Variants in ZFPM1 observed in about 807,000 individuals in gnomAD.
ZFPM1 encodes the protein zinc finger protein, FOG family member 1, also known as zinc finger protein ZFPM1.
ZFPM1 carries 28 observed loss-of-function variants against 46.3 expected under a neutral mutation model. That is an observed-to-expected ratio of 0.60 (90% confidence interval 0.45 to 0.83). ZFPM1 has a LOEUF of 0.83. Ranked by LOEUF, ZFPM1 falls within the 40% of genes least tolerant of loss-of-function variation. The pLI is 0.00. For missense variants in ZFPM1, 1,878 were observed against 1,432.4 expected, an observed-to-expected ratio of 1.31 and a Z score of -5.02; for synonymous variants, 957 against 675.9, an observed-to-expected ratio of 1.42 and a Z score of -6.45.
At chr16:88,491,084 A>G (rs16966539) in intron 3 of ZFPM1, among the ~76,000 whole-genome samples, 4,230 of 149,394 alleles carry the variant, frequency 0.028, 82 homozygotes, top group South Asian at 0.085. Context: ...CGCGGGTCCC[A>G]GTCAGGCGCT....
intron 1 of ZFPM1, among the ~76,000 whole-genome samples, chr16:88,484,151 G>C (rs929613966): frequency 1.3e-5 from 2 of 152,206 alleles, no homozygotes; most frequent in African/African-American, 2.4e-5. Context: ...AGGACAGTGG[G>C]GATTCGGAGA....
Position 88,534,330 on chromosome 16 carries a change from C to T in ZFPM1, c.2372C>T (p.Ala791Val). 1.5e-6 allele frequency: 2 copies of T among 1,358,978 alleles called. No homozygotes were observed. The highest frequency in any genetic ancestry group is 1.9e-6 in the Non-Finnish European group (2 of 1,057,076). The allele number at this position is 1,358,978 out of a possible 1,614,324, so 84.2% of individuals were successfully genotyped here. ...LAPARSPGPAADGPIDLSKKP... is the reference protein window; with the variant it reads ...LAPARSPGPAVDGPIDLSKKP... ...CCTGCGCGCTCGCCCGGCCCCGCGG[C>T]CGACGGCCCCATCGACCTGAGCAAG... The change falls in exon 10 of 10, where the codon GCC becomes GTC. Residue 791 changes from alanine to valine, a missense_variant. Physicochemically the swap from Ala to Val is moderately conservative, Grantham distance 64. Coordinates refer to ENST00000319555, the MANE Select transcript of ZFPM1 (RefSeq NM_153813.3).
intron 4 of ZFPM1, among the ~76,000 whole-genome samples, chr16:88,521,366 G>A (rs373173450): frequency 6.6e-6 from 1 of 151,946 alleles, no homozygotes; most frequent in African/African-American, 2.4e-5. Flanking sequence ...GCCAGGCTCT[G>A]GGGCTCCCTG....
chr16:88,461,042 G>C (rs1184341114), intron 1 of ZFPM1, among the ~76,000 whole-genome samples: 11 of 119,694 alleles, frequency 9.2e-5, no homozygotes, highest in African/African-American at 3.3e-4. Flanking sequence ...TGAGGACCGA[G>C]GGGCGGGAGG....
intron 4 of ZFPM1, among the ~76,000 whole-genome samples, chr16:88,522,764 T>C (rs1054417862): frequency 6.6e-6 from 1 of 151,948 alleles, no homozygotes; most frequent in African/African-American, 2.4e-5. Context: ...GCAAACAGGG[T>C]GGGCTCTAGC....
chr16:88,487,625 T>C (rs1909306307), intron 2 of ZFPM1, among the ~76,000 whole-genome samples: 1 of 152,046 alleles, frequency 6.6e-6, no homozygotes, highest in African/African-American at 2.4e-5. Flanking sequence ...GAGCGGGATT[T>C]CTCAGTGGGG....
intron 1 of ZFPM1, among the ~76,000 whole-genome samples, chr16:88,468,017 CT>C (rs1253981101): frequency 5.5e-5 from 8 of 146,366 alleles, no homozygotes; most frequent in Non-Finnish European, 1.1e-4. Flanking sequence ...CCCACCGCCC[CT>C]CACACACCCG....
chr16:88,485,961 C>T lies in ZFPM1; in HGVS notation c.63C>T (p.Ala21=), dbSNP rs141379602. 11 of 1,612,734 alleles carry T rather than the reference C, an allele frequency of 6.8e-6. No homozygotes were observed. The African/African-American group carries it at 8.0e-5, about 12-fold the overall frequency. The change falls in exon 2 of 10, where the codon GCC becomes GCT. Residue 21 remains alanine (A), a synonymous_variant. Transcript: ENST00000319555. The part of the protein sequence containing the change: ...QIKRSLGDME[A]REEVQLVGAS... ...CAGGTTCCCTCGGAGACATGGAGGCCAGAGAGGAGGTGCAGTTGGTGGGTG... is the reference window on the plus strand; with the variant it reads ...CAGGTTCCCTCGGAGACATGGAGGCTAGAGAGGAGGTGCAGTTGGTGGGTG...
chr16:88,504,767 G>C (rs1461187778), intron 3 of ZFPM1, among the ~76,000 whole-genome samples: 1 of 152,216 alleles, frequency 6.6e-6, no homozygotes, highest in African/African-American at 2.4e-5. Context: ...GTTCAGACAG[G>C]CAAGACCTGG....
At chr16:88,529,081 G>C (rs946509831) in intron 6 of ZFPM1, among the ~76,000 whole-genome samples, 4 of 152,228 alleles carry the variant, frequency 2.6e-5, no homozygotes, top group Non-Finnish European at 5.9e-5. Context: ...GGAGTTCAAG[G>C]CCAGACTGGG....
intron 4 of ZFPM1, among the ~76,000 whole-genome samples, chr16:88,521,026 G>A (rs977840085): frequency 7.2e-6 from 1 of 138,264 alleles, no homozygotes; most frequent in Non-Finnish European, 1.6e-5. Context: ...TTATGTAGGT[G>A]GGTAGATGAT....
chr16:88,481,081 A>C (rs1908913827), intron 1 of ZFPM1, among the ~76,000 whole-genome samples: 2 of 152,218 alleles, frequency 1.3e-5, no homozygotes, highest in African/African-American at 4.8e-5. Context: ...AATAGCTATT[A>C]TGTTTTCATT....
intron 1 of ZFPM1, among the ~76,000 whole-genome samples, chr16:88,479,772 C>T (rs544483718): frequency 1.7e-4 from 26 of 149,236 alleles, no homozygotes; most frequent in African/African-American, 6.0e-4. Context: ...TTCTGCCTCC[C>T]CAGCCCCACC....
chr16:88,496,871 T>G (rs1909960412), intron 3 of ZFPM1, among the ~76,000 whole-genome samples: 1 of 152,144 alleles, frequency 6.6e-6, no homozygotes, highest in Admixed American at 6.5e-5. Flanking sequence ...TGGATCCCAC[T>G]CTACAGTTAG....
chr16:88,508,679 G>A (rs1170456112), intron 3 of ZFPM1, among the ~76,000 whole-genome samples: 1 of 152,242 alleles, frequency 6.6e-6, no homozygotes, highest in Non-Finnish European at 1.5e-5. Flanking sequence ...TGCTACTGAG[G>A]CTGCAGAGGG....
chr16:88,494,688 C>T (rs889514813), intron 3 of ZFPM1, among the ~76,000 whole-genome samples: 2 of 151,980 alleles, frequency 1.3e-5, no homozygotes, highest in Admixed American at 6.5e-5. Flanking sequence ...GAGTGGGGGG[C>T]GAGGCGGGCG....
At chr16:88,508,928 G>A (rs1295507643) in intron 3 of ZFPM1, among the ~76,000 whole-genome samples, 2 of 152,240 alleles carry the variant, frequency 1.3e-5, no homozygotes, top group Non-Finnish European at 2.9e-5. Context: ...ACCAAGCACA[G>A]GTGATCAGCA....
chr16:88,488,932 A>G lies in ZFPM1; in HGVS notation c.146-99A>G, dbSNP rs140704531. On this transcript the variant is annotated intron_variant, in intron 2 of 9. Transcript: ENST00000319555. ...GGTGGCTCTGGGCCCGAGCTCCCCA[A>G]CCCGGCGCCCAGCGCCTCAGCATCC... is the stretch of plus-strand genomic sequence containing the variant. 1.9e-4 allele frequency: 281 copies of G among 1,509,192 alleles called. 1 individual carries two copies. The African/African-American group carries it at 3.5e-3, about 19-fold the overall frequency. 93.5% of individuals were successfully genotyped at this position (1,509,192 alleles called of 1,614,324 possible).
At chr16:88,462,332 G>C (rs1252187628) in intron 1 of ZFPM1, among the ~76,000 whole-genome samples, 1 of 152,250 alleles carries the variant, frequency 6.6e-6, no homozygotes, top group East Asian at 1.9e-4. Context: ...CCGGCGTGCT[G>C]AGGGCTCCTG....
Sources: allele counts gnomAD v4.1 joint callset (sites outside exome capture counted in the v4.1 genomes callset), GRCh38; gene constraint gnomAD v4.1.1; transcripts MANE v1.5; gene names NCBI Gene and HGNC (gene_info 2026-07-23, HGNC 2026-07-21).